The following OXNAD1 variants were observed in gnomAD, a reference collection of about 807,000 sequenced individuals.
OXNAD1 encodes oxidoreductase NAD-binding domain-containing protein 1.
In OXNAD1, 34 loss-of-function variants were observed where a neutral mutation model predicts 32.9. The observed-to-expected ratio is 1.03, with a 90% confidence interval of 0.79 to 1.38. The LOEUF is 1.38. Ranked by LOEUF, OXNAD1 falls within the 40% of genes most tolerant of loss-of-function variation. The pLI is 0.00. For synonymous variants in OXNAD1, 134 were observed against 135.2 expected (o/e 0.99, Z 0.06); for missense variants, 407 against 379.4 (o/e 1.07, Z -0.60).
chr3:16,328,718 G>A (rs544326519), intron 9 of OXNAD1, among the ~76,000 whole-genome samples: 13 of 152,296 alleles, frequency 8.5e-5, no homozygotes, highest in African/African-American at 2.6e-4. Flanking sequence ...CGGGAGTAGG[G>A]CCCCGGAATC....
chr3:16,316,517 G>A lies in OXNAD1; in HGVS notation c.*30+12925G>A, dbSNP rs1173525555. 5.0e-6 allele frequency: 2 copies of A among 400,584 alleles called. No individual in the cohort carries two copies. Among genetic ancestry groups the A allele is most frequent in the African/African-American group, 2.1e-5 (1 of 48,166 alleles). 24.8% of individuals were successfully genotyped at this position (400,584 alleles called of 1,614,324 possible). On this transcript the variant is annotated intron_variant, in intron 9 of 9. Coordinates refer to the OXNAD1 transcript ENST00000435829. This position sits in a 1 kb window ranked among gnomAD's most constrained non-coding sequence, Gnocchi z 4.5. ...AGGCCCTGTGGCGAGGACAGGCACT[G>A]GATGGTCCAGACCCTCTGGCTGGAG... is the stretch of plus-strand genomic sequence containing the variant.
rs1017742554 is a variant in OXNAD1 at position 16,316,267 on chromosome 3, G to A, written c.*30+12675G>A. The A allele has an allele frequency of 1.2e-5, 2 of 160,636 alleles. No homozygotes were observed. Among genetic ancestry groups the A allele is most frequent in the Admixed American group, 1.3e-4 (2 of 15,554 alleles). 10.0% of individuals were successfully genotyped at this position (160,636 alleles called of 1,614,324 possible). A position where few individuals can be genotyped will look rare whatever the true frequency, so the allele number is the denominator to read the frequency against. On this transcript the variant is annotated intron_variant, in intron 9 of 9. Coordinates refer to the OXNAD1 transcript ENST00000435829. The surrounding 1 kb of genome is among the most constrained non-coding windows in gnomAD (Gnocchi z 4.5). The stretch of plus-strand genomic sequence containing the variant: ...ACCAGTATCTATAGGACTATTTTGA[G>A]AAAAGCTGGGAGGCGGAGCACCTCC...
In OXNAD1 at chr3:16,284,174, C is replaced by T. The variant is rs1366656597; in HGVS notation, c.184-2168C>T. On this transcript the variant is annotated intron_variant, in intron 4 of 8. Transcript: ENST00000285083. The surrounding 1 kb of genome is among the most constrained non-coding windows in gnomAD (Gnocchi z 4.1). ...GTTTCTTGTTGTCCATGTGAGCAGT[C>T]TCTGAGATGTTCAGTGCTCAGTCTT... is the stretch of plus-strand genomic sequence containing the variant. Among the ~76,000 whole-genome samples, 1 of 152,186 alleles carries T rather than the reference C, an allele frequency of 6.6e-6. No homozygotes were observed. The highest frequency in any genetic ancestry group is 1.9e-4 in the East Asian group (1 of 5,200).
intron 9 of OXNAD1, among the ~76,000 whole-genome samples, chr3:16,325,812 ACT>A (rs2069631584): frequency 6.6e-6 from 1 of 152,052 alleles, no homozygotes; most frequent in African/African-American, 2.4e-5. Flanking sequence ...ATGATTCTGC[ACT>A]CTCAATCACC....
intron 5 of OXNAD1, among the ~76,000 whole-genome samples, chr3:16,292,474 G>A (rs1312232214): frequency 6.6e-6 from 1 of 152,080 alleles, no homozygotes; most frequent in Non-Finnish European, 1.5e-5. Flanking sequence ...ATTTGTATAG[G>A]CATGAGCCAC....
At chr3:16,326,173 T>C (rs2069668525) in intron 9 of OXNAD1, among the ~76,000 whole-genome samples, 1 of 152,252 alleles carries the variant, frequency 6.6e-6, no homozygotes, top group Non-Finnish European at 1.5e-5. Context: ...TTGGTGTGAC[T>C]GGGCTCAAGG....
chr3:16,326,827 G>A, intron 9 of OXNAD1: 2 of 1,614,124 alleles, frequency 1.2e-6, no homozygotes, highest in African/African-American at 2.7e-5. Context: ...CCAGCCATAG[G>A]CCGCCAGCGA....
Position 16,271,583 on chromosome 3 carries a change from G to T in OXNAD1, c.120-76G>T. On this transcript the variant is annotated intron_variant, in intron 3 of 8. Coordinates refer to ENST00000285083, the MANE Select transcript of OXNAD1 (RefSeq NM_138381.5). The surrounding 1 kb of genome is among the most constrained non-coding windows in gnomAD (Gnocchi z 4.6). ...GTTACACTGTATTTAGGATAACCAT[G>T]ATATTTCAGGAAAAACTAATTTTAT... is the stretch of plus-strand genomic sequence containing the variant. 8.4e-7 allele frequency: 1 copy of T among 1,191,162 alleles called. No individual in the cohort carries two copies. The highest frequency in any genetic ancestry group is 1.6e-5 in the African/African-American group (1 of 62,844). 73.8% of individuals were successfully genotyped at this position (1,191,162 alleles called of 1,614,324 possible).
rs765619275 is a variant in OXNAD1, at chr3:16,345,788, C to CTGTCTGTG, written c.*31-3385_*31-3384insCTGTGTGT. ...TGAGCCAAAACCTTATAATAAATCT[C>CTGTCTGTG]TGTGTGTGTGTGTGTGTGTGTGTGT... On this transcript the variant is annotated intron_variant, in intron 9 of 9. Transcript: ENST00000606098. The surrounding 1 kb of genome is among the most constrained non-coding windows in gnomAD (Gnocchi z 5.2). Among the ~76,000 whole-genome samples, 2,114 of 126,746 alleles carry CTGTCTGTG rather than the reference C, an allele frequency of 0.017. 23 individuals carry two copies. Among genetic ancestry groups the CTGTCTGTG allele is most frequent in the Middle Eastern group, 0.038 (9 of 238 alleles). The allele number at this position is 126,746 out of a possible 152,430, so 83.2% of individuals were successfully genotyped here.
At position 16,303,680 on chromosome 3, in the gene OXNAD1, T is replaced by A; in HGVS notation, c.*118T>A. The stretch of plus-strand genomic sequence containing the variant: ...TGAGTTGTCTTATTTTTTAAGGCTA[T>A]AAACTTAGTGACCAGCTGGATAATA... On this transcript the variant is annotated 3_prime_UTR_variant, in exon 9 of 9. Coordinates refer to ENST00000285083, the MANE Select transcript of OXNAD1 (RefSeq NM_138381.5). This position sits in a 1 kb window ranked among gnomAD's most constrained non-coding sequence, Gnocchi z 4.8. 1 of 1,146,328 alleles carries A rather than the reference T, an allele frequency of 8.7e-7. No homozygotes were observed. Among genetic ancestry groups the A allele is most frequent in the Non-Finnish European group, 1.2e-6 (1 of 851,626 alleles). 71.0% of individuals were successfully genotyped at this position (1,146,328 alleles called of 1,614,324 possible).
rs1393678922 is a variant in OXNAD1, at chr3:16,329,571, C to G, written c.*31-7541C>G. ...CGCACACCTCCCTTCCAGACCAGCA[C>G]AGCCCGTATTCCTCCTGCTGGGTGC... On this transcript the variant is annotated intron_variant, in intron 9 of 9. Coordinates refer to the OXNAD1 transcript ENST00000435829. The surrounding 1 kb of genome is among the most constrained non-coding windows in gnomAD (Gnocchi z 4.5). Among the ~76,000 whole-genome samples, 3 of 152,166 alleles carry G rather than the reference C, an allele frequency of 2.0e-5. No individual in the cohort carries two copies. Among genetic ancestry groups the G allele is most frequent in the Admixed American group, 6.5e-5 (1 of 15,280 alleles).
Position 16,305,359 on chromosome 3 carries a change from GCTA to G in OXNAD1, c.*1800_*1802del, listed in dbSNP as rs1288315626. ...CAGCACCACGGCTGGCTGTGTGCCTGCTACTGTCAGAGAGCAAGGGTCATCTGT... is the reference window on the plus strand; with the variant it reads ...CAGCACCACGGCTGGCTGTGTGCCTGCTGTCAGAGAGCAAGGGTCATCTGT... On this transcript the variant is annotated 3_prime_UTR_variant, in exon 9 of 9. Transcript: ENST00000285083. The surrounding 1 kb of genome is among the most constrained non-coding windows in gnomAD (Gnocchi z 4.5). 1 of 152,278 alleles carries G rather than the reference GCTA, an allele frequency of 6.6e-6. No homozygotes were observed. Among genetic ancestry groups the G allele is most frequent in the Non-Finnish European group, 1.5e-5 (1 of 68,082 alleles). 9.4% of individuals were successfully genotyped at this position (152,278 alleles called of 1,614,324 possible).
Position 16,284,072 on chromosome 3 carries a change from A to G in OXNAD1, c.184-2270A>G, listed in dbSNP as rs1053529664. Among the ~76,000 whole-genome samples, 1 of 152,198 alleles carries G rather than the reference A, an allele frequency of 6.6e-6. No homozygotes were observed. Among genetic ancestry groups the G allele is most frequent in the East Asian group, 1.9e-4 (1 of 5,194 alleles). ...AGTAGAGGAAGAGACGAAAGGCAAG[A>G]TTTCTAAAATATATTCAAGACAGTA... is the stretch of plus-strand genomic sequence containing the variant. On this transcript the variant is annotated intron_variant, in intron 4 of 8. Coordinates refer to ENST00000285083, the MANE Select transcript of OXNAD1 (RefSeq NM_138381.5). This position sits in a 1 kb window ranked among gnomAD's most constrained non-coding sequence, Gnocchi z 4.1.
rs948352322 is a variant in OXNAD1 at position 16,287,032 on chromosome 3, A to C, written c.290+584A>C. 2.6e-5 allele frequency among the ~76,000 whole-genome samples: 4 copies of C among 152,140 alleles called. No homozygotes were observed. Among genetic ancestry groups the C allele is most frequent in the Admixed American group, 6.5e-5 (1 of 15,274 alleles). ...TCAGGCCCAGCTCCCCAGAACCCCC[A>C]CACAAATCATAAGTCTGTCCCATTT... On this transcript the variant is annotated intron_variant, in intron 5 of 8. Coordinates refer to ENST00000285083, the MANE Select transcript of OXNAD1 (RefSeq NM_138381.5). This position sits in a 1 kb window ranked among gnomAD's most constrained non-coding sequence, Gnocchi z 4.8.
At position 16,345,823 on chromosome 3, in the gene OXNAD1, CGCGCGT is replaced by C. The variant is rs1416590793; in HGVS notation, c.*31-3347_*31-3342del. Among the ~76,000 whole-genome samples the C allele has an allele frequency of 0.028, 2,441 of 86,890 alleles. 64 individuals are homozygous for C. Among genetic ancestry groups the C allele is most frequent in the African/African-American group, 0.094 (2,237 of 23,690 alleles). The allele number at this position is 86,890 out of a possible 152,430, so 57.0% of individuals were successfully genotyped here. A position where few individuals can be genotyped will look rare whatever the true frequency, so the allele number is the denominator to read the frequency against. ...GTGTGTGTGTGTGTGTGTGTGCGCG[CGCGCGT>C]GCGCGCACGCGCACATGTGCATGTG... On this transcript the variant is annotated intron_variant, in intron 9 of 9. Transcript: ENST00000606098. This position sits in a 1 kb window ranked among gnomAD's most constrained non-coding sequence, Gnocchi z 5.2.
chr3:16,293,529 C>T (rs990363294), intron 5 of OXNAD1, among the ~76,000 whole-genome samples: 1 of 152,184 alleles, frequency 6.6e-6, no homozygotes, highest in African/African-American at 2.4e-5. Context: ...TGGCTAGAAC[C>T]TCTAGGACAG....
At position 16,322,772 on chromosome 3, in the gene OXNAD1, G is replaced by A. The variant is rs1330383132; in HGVS notation, c.*31-14340G>A. On this transcript the variant is annotated intron_variant, in intron 9 of 9. Coordinates refer to the OXNAD1 transcript ENST00000435829. The surrounding 1 kb of genome is among the most constrained non-coding windows in gnomAD (Gnocchi z 6.2). ...CCAGTCTCTGTGCGACTGTTTCTAG[G>A]GTAGTTCAGAGTCCGGAGAGGGGGA... is the stretch of plus-strand genomic sequence containing the variant. Among the ~76,000 whole-genome samples the A allele has an allele frequency of 6.6e-6, 1 of 152,122 alleles. No individual in the cohort carries two copies. The highest frequency in any genetic ancestry group is 1.5e-5 in the Non-Finnish European group (1 of 68,012).
chr3:16,276,532 T>C, intron 4 of OXNAD1: 1 of 158,956 alleles, frequency 6.3e-6, no homozygotes, highest in East Asian at 2.0e-4. Context: ...TTTTTTTTTT[T>C]TACCACTTTT....
chr3:16,272,146 G>A (rs1415787399), intron 4 of OXNAD1: 5 of 451,770 alleles, frequency 1.1e-5, no homozygotes, highest in Non-Finnish European at 2.2e-5. Flanking sequence ...CTGCTTTAGA[G>A]CAACTTATTT....
Sources: allele counts gnomAD v4.1 joint callset (sites outside exome capture counted in the v4.1 genomes callset), GRCh38; gene constraint gnomAD v4.1.1; non-coding constraint Gnocchi (gnomAD v3.1); transcripts MANE v1.5; gene names NCBI Gene and HGNC (gene_info 2026-07-23, HGNC 2026-07-21).